FBXL18: variants seen among roughly 807,000 people sequenced by gnomAD.
FBXL18 encodes F-box and leucine rich repeat protein 18, also known as F-box/LRR-repeat protein 18.
FBXL18 carries 36 observed loss-of-function variants against 46.0 expected under a neutral mutation model. The ratio of observed to expected loss-of-function variants is 0.78; its 90% CI spans 0.60 to 1.03. FBXL18 has a LOEUF of 1.03. Ranked by LOEUF, FBXL18 falls within the 50% of genes least tolerant of loss-of-function variation. The pLI is 0.00. For missense variants in FBXL18, 977 were observed against 1,004.1 expected (o/e 0.97, Z 0.36); for synonymous variants, 557 against 465.3 (o/e 1.20, Z -2.54).
intron 4 of FBXL18, among the ~76,000 whole-genome samples, chr7:5,469,717 G>A (rs1245796488): frequency 6.6e-6 from 1 of 152,098 alleles, no homozygotes; most frequent in Non-Finnish European, 1.5e-5. Context: ...CGTGTAAGTA[G>A]AGTGCGTGTG....
At chr7:5,467,410 G>A (rs1429220558) in intron 4 of FBXL18, among the ~76,000 whole-genome samples, 5 of 151,312 alleles carry the variant, frequency 3.3e-5, no homozygotes, top group Non-Finnish European at 7.4e-5. Flanking sequence ...GCTGGGTGTG[G>A]TGGTGGGCAC....
intron 3 of FBXL18, among the ~76,000 whole-genome samples, chr7:5,497,488 G>GA (rs1353580695): frequency 6.6e-6 from 1 of 152,182 alleles, no homozygotes; most frequent in East Asian, 1.9e-4. Context: ...TCCTGGGTTT[G>GA]ATCCTGCGCT....
At chr7:5,461,121 C>G (rs528085986) in intron 4 of FBXL18, among the ~76,000 whole-genome samples, 2 of 152,216 alleles carry the variant, frequency 1.3e-5, no homozygotes, top group Non-Finnish European at 2.9e-5. Context: ...CCTGCACTCT[C>G]GGGGTGGCAG....
rs774038307 is a variant in FBXL18 at position 5,481,871 on chromosome 7, C to G, written c.2061G>C (p.Leu687=). 5.6e-6 allele frequency: 9 copies of G among 1,613,684 alleles called. No homozygotes were observed. In the Admixed American group the frequency reaches 6.7e-5, roughly 12 times the overall value. The change falls in exon 5 of 5, where the codon CTG becomes CTC. Residue 687 remains leucine, a synonymous_variant. Coordinates refer to ENST00000382368, the MANE Select transcript of FBXL18 (RefSeq NM_024963.6). ...VVIFPLLHEG[L]TDVIRDVPLV... is the part of the protein sequence containing the mutation. ...GGGGGACGTCCCGGATGACGTCGGTCAGGCCCTCGTGGAGCAGAGGGAAGA... is the reference window on the plus strand; with the variant it reads ...GGGGGACGTCCCGGATGACGTCGGTGAGGCCCTCGTGGAGCAGAGGGAAGA...
Position 5,477,335 on chromosome 7 carries a change from C to T in FBXL18, c.*4440G>A, listed in dbSNP as rs530443262. ...GTCCACAGGAAGTGGCCGACGTCTC[C>T]TCTGCCTTTGGTTTAGTGGCCCCAC... is the stretch of plus-strand genomic sequence containing the variant. On this transcript the variant is annotated 3_prime_UTR_variant, in exon 5 of 5. Coordinates refer to ENST00000382368, the MANE Select transcript of FBXL18 (RefSeq NM_024963.6). This position sits in a 1 kb window ranked among gnomAD's most constrained non-coding sequence, Gnocchi z 4.4. Among the ~76,000 whole-genome samples the T allele has an allele frequency of 6.6e-6, 1 of 152,308 alleles. No individual in the cohort carries two copies. Among genetic ancestry groups the T allele is most frequent in the South Asian group, 2.1e-4 (1 of 4,830 alleles).
rs181525460 is a variant in FBXL18 at position 5,513,792 on chromosome 7, C to A, written c.-118G>T. ...GCTCAACCGAGACCCCGGCAAGGAGCGGGCTCTCGTCACTTCCGGCGCCCG... is the reference window on the plus strand; with the variant it reads ...GCTCAACCGAGACCCCGGCAAGGAGAGGGCTCTCGTCACTTCCGGCGCCCG... On this transcript the variant is annotated 5_prime_UTR_variant, in exon 1 of 5. Transcript: ENST00000382368. The A allele has an allele frequency of 5.7e-6, 8 of 1,413,638 alleles. No homozygotes were observed. Among genetic ancestry groups the A allele is most frequent in the East Asian group, 5.1e-5 (2 of 39,536 alleles). The allele number at this position is 1,413,638 out of a possible 1,614,324, so 87.6% of individuals were successfully genotyped here.
chr7:5,469,425 A>T (rs572550543), intron 4 of FBXL18, among the ~76,000 whole-genome samples: 97 of 152,320 alleles, frequency 6.4e-4, no homozygotes, highest in Non-Finnish European at 9.6e-4. Context: ...AAATTTTTTT[A>T]AAAGAATGTG....
intron 4 of FBXL18, among the ~76,000 whole-genome samples, chr7:5,464,529 G>A (rs1783312920): frequency 6.6e-6 from 1 of 151,656 alleles, no homozygotes. Flanking sequence ...TGGGCGTTGT[G>A]GCAGGTGCCT....
intron 4 of FBXL18, among the ~76,000 whole-genome samples, chr7:5,486,976 A>G (rs1227276667): frequency 6.6e-6 from 1 of 152,278 alleles, no homozygotes; most frequent in Non-Finnish European, 1.5e-5. Context: ...GAAAAGCGAG[A>G]GCAAACCGCT....
intron 4 of FBXL18, among the ~76,000 whole-genome samples, chr7:5,482,805 G>C (rs967496041): frequency 1.3e-5 from 2 of 152,156 alleles, no homozygotes; most frequent in Non-Finnish European, 2.9e-5. Flanking sequence ...GGAGGCTGAG[G>C]TGGGAGGATT....
intron 4 of FBXL18, among the ~76,000 whole-genome samples, chr7:5,466,023 G>C (rs574401038): frequency 6.6e-6 from 1 of 151,908 alleles, no homozygotes; most frequent in Non-Finnish European, 1.5e-5. Context: ...TCACCATGTT[G>C]GGCAGGCTGG....
rs538061192 is a variant in FBXL18 at position 5,478,711 on chromosome 7, C to T, written c.*3064G>A. The T allele has an allele frequency of 6.6e-6, 1 of 152,408 alleles. No homozygotes were observed. The highest frequency in any genetic ancestry group is 6.6e-5 in the Admixed American group (1 of 15,262). 9.4% of individuals were successfully genotyped at this position (152,408 alleles called of 1,614,324 possible). On this transcript the variant is annotated 3_prime_UTR_variant, in exon 5 of 5. Transcript: ENST00000382368. ...CGTGACTCACACACACATGCACACA[C>T]AGGGCACAGGTACACGAAGGCACAC...
At chr7:5,492,630 G>C (rs1353523823) in intron 3 of FBXL18, among the ~76,000 whole-genome samples, 1 of 152,056 alleles carries the variant, frequency 6.6e-6, no homozygotes, top group African/African-American at 2.4e-5. Context: ...GGATGCAAGG[G>C]AGTTAAGAGG....
At chr7:5,459,792 A>C (rs1243775685) in intron 4 of FBXL18, among the ~76,000 whole-genome samples, 1 of 151,778 alleles carries the variant, frequency 6.6e-6, no homozygotes, top group East Asian at 1.9e-4. Flanking sequence ...GTGCACCTGT[A>C]ATCCCAGCTA....
At chr7:5,471,724 G>T (rs938385571), downstream of FBXL18, among the ~76,000 whole-genome samples, 5 of 152,290 alleles carry the variant, frequency 3.3e-5, no homozygotes, top group African/African-American at 1.2e-4. Flanking sequence ...AGGCCAGGCG[G>T]CTTCACACAC....
chr7:5,482,033 C>T (rs28452582), intron 4 of FBXL18, 102 bp from the exon 5 acceptor site: 51 of 1,399,252 alleles, frequency 3.6e-5, no homozygotes, highest in Admixed American at 1.9e-4. Flanking sequence ...CTCCCCGTCC[C>T]GGGCTCACCT....
In FBXL18 at chr7:5,501,830, G is replaced by C; in HGVS notation, c.439C>G (p.Arg147Gly). ...SKMLSALQHL[R>G]SLAIDVSPGF... ...GGGCTCACGTCGATGGCCAGCGAGC[G>C]CAGGTGCTGCAGGGCCGAGAGCATC... Residue 147 changes from arginine (R) to glycine (G), a missense_variant, in exon 3 of 5, where the codon CGC (arginine) becomes GGC (glycine). Physicochemically the swap from Arg to Gly is moderately radical, Grantham distance 125. Transcript: ENST00000382368. The C allele has an allele frequency of 6.3e-7, 1 of 1,591,470 alleles. No homozygotes were observed. Among genetic ancestry groups the C allele is most frequent in the Non-Finnish European group, 8.5e-7 (1 of 1,170,340 alleles).
At chr7:5,463,728 ATTTTTTTTTTTTTTT>A (rs552002078) in intron 4 of FBXL18, among the ~76,000 whole-genome samples, 37 of 52,990 alleles carry the variant, frequency 7.0e-4, no homozygotes, top group African/African-American at 2.8e-3. Flanking sequence ...TTATTTATTT[ATTTTTTTTTTTTTTT>A]TTTTTTTTTT....
At chr7:5,495,921 T>C in intron 3 of FBXL18, 1 of 472,872 alleles carries the variant, frequency 2.1e-6, no homozygotes. Context: ...GGCTGGAGTT[T>C]GTCCACAGAG....
Sources: allele counts gnomAD v4.1 joint callset (sites outside exome capture counted in the v4.1 genomes callset), GRCh38; gene constraint gnomAD v4.1.1; non-coding constraint Gnocchi (gnomAD v3.1); transcripts MANE v1.5; gene names NCBI Gene and HGNC (gene_info 2026-07-23, HGNC 2026-07-21).